Variants in SLC39A12 observed in about 807,000 individuals in gnomAD.
SLC39A12 encodes zinc transporter ZIP12.
In SLC39A12, 63 loss-of-function variants were observed where a neutral mutation model predicts 71.1. The observed-to-expected ratio is 0.89, with a 90% CI of 0.72 to 1.09. The LOEUF is 1.09. Ranked by LOEUF, SLC39A12 falls within the 50% of genes least tolerant of loss-of-function variation. SLC39A12 has a pLI of 0.00. For missense variants in SLC39A12, 892 were observed against 812.6 expected, an observed-to-expected ratio of 1.10 and a Z score of -1.19; for synonymous variants, 351 against 301.3, an observed-to-expected ratio of 1.16 and a Z score of -1.71.
intron 7 of SLC39A12, among the ~76,000 whole-genome samples, chr10:17,989,689 C>A (rs1195044165): frequency 6.6e-6 from 1 of 152,114 alleles, no homozygotes. Flanking sequence ...GAGGGCAAGA[C>A]AGGCGGATCA....
intron 12 of SLC39A12, among the ~76,000 whole-genome samples, chr10:18,038,921 G>A (rs1837141453): frequency 6.6e-6 from 1 of 152,130 alleles, no homozygotes; most frequent in Admixed American, 6.5e-5. Context: ...AGATATTGAT[G>A]ATTTGAAAAG....
intron 12 of SLC39A12, among the ~76,000 whole-genome samples, chr10:18,019,695 C>A: frequency 6.6e-6 from 1 of 151,954 alleles, no homozygotes; most frequent in Non-Finnish European, 1.5e-5. Flanking sequence ...TATTTAATCT[C>A]CAGTTCTTTT....
chr10:18,034,843 G>C (rs1409366182), intron 12 of SLC39A12, among the ~76,000 whole-genome samples: 4 of 149,010 alleles, frequency 2.7e-5, no homozygotes, highest in Non-Finnish European at 6.0e-5. Context: ...GGCAGGCCTG[G>C]TGGTGACAAA....
At chr10:17,993,719 C>T (rs1022710390) in intron 9 of SLC39A12, among the ~76,000 whole-genome samples, 3 of 152,212 alleles carry the variant, frequency 2.0e-5, no homozygotes, top group Non-Finnish European at 4.4e-5. Flanking sequence ...CAGGAGATAA[C>T]TGATTCTGTC....
At chr10:17,964,842 A>G (rs190818478) in intron 3 of SLC39A12, among the ~76,000 whole-genome samples, 31 of 152,328 alleles carry the variant, frequency 2.0e-4, no homozygotes, top group African/African-American at 6.0e-4. Flanking sequence ...GCGGGGAGAG[A>G]AACAACCCAC....
intron 11 of SLC39A12, among the ~76,000 whole-genome samples, chr10:18,001,497 G>C (rs1835832644): frequency 6.6e-6 from 1 of 152,186 alleles, no homozygotes; most frequent in Non-Finnish European, 1.5e-5. Context: ...CTGGGCAACA[G>C]AGTGAGACTC....
chr10:18,037,750 G>T (rs184998463), intron 12 of SLC39A12, among the ~76,000 whole-genome samples: 2 of 152,082 alleles, frequency 1.3e-5, no homozygotes, highest in African/African-American at 4.8e-5. Flanking sequence ...TAGGCCAGGT[G>T]CAGGGGCTCA....
intron 10 of SLC39A12, among the ~76,000 whole-genome samples, chr10:17,997,831 A>G (rs1031022224): frequency 1.3e-5 from 2 of 152,230 alleles, no homozygotes; most frequent in African/African-American, 4.8e-5. Flanking sequence ...TTAAAAAAGC[A>G]CAGTGATACC....
intron 6 of SLC39A12, among the ~76,000 whole-genome samples, chr10:17,983,246 T>A (rs1835313901): frequency 6.7e-6 from 1 of 149,300 alleles, no homozygotes. Context: ...GTCCTAGTAC[T>A]TTGGGAGGGC....
intron 4 of SLC39A12, among the ~76,000 whole-genome samples, chr10:17,972,684 G>A (rs1835005476): frequency 6.6e-6 from 1 of 152,012 alleles, no homozygotes; most frequent in Non-Finnish European, 1.5e-5. Flanking sequence ...CATTGGCATG[G>A]AGTATCTTTT....
At chr10:18,018,330 A>C (rs925362884) in intron 12 of SLC39A12, among the ~76,000 whole-genome samples, 11 of 152,146 alleles carry the variant, frequency 7.2e-5, no homozygotes, top group Admixed American at 2.6e-4. Flanking sequence ...CCGTGAACAA[A>C]GGCGGTCTTA....
At chr10:18,031,255 G>T (rs1415489365) in intron 12 of SLC39A12, among the ~76,000 whole-genome samples, 1 of 143,970 alleles carries the variant, frequency 6.9e-6, no homozygotes, top group Non-Finnish European at 1.5e-5. Flanking sequence ...CTAGTTTACA[G>T]TCCCACCAAC....
intron 6 of SLC39A12, 115 bp from the exon 7 acceptor site, chr10:17,987,364 A>G: frequency 1.1e-6 from 1 of 871,140 alleles, no homozygotes; most frequent in Non-Finnish European, 1.8e-6. Flanking sequence ...TATTTAAAAA[A>G]TCCATATCCC....
intron 12 of SLC39A12, among the ~76,000 whole-genome samples, chr10:18,032,638 T>C (rs1299651691): frequency 6.6e-6 from 1 of 150,562 alleles, no homozygotes; most frequent in African/African-American, 2.4e-5. Context: ...GAATACCCTT[T>C]ATTTCCTTCT....
At position 17,993,288 on chromosome 10, in the gene SLC39A12, G is replaced by A. The variant is rs1835601925; in HGVS notation, c.1530G>A (p.Gln510=). The part of the protein sequence containing the change: ...AGRGKSASTI[Q]LKSPEDSQAA... Reference sequence around the variant, plus strand: ...GAGGCAAATCTGCTTCAACTATCCAGTTGGTAGGTTCCTGATCTGAAGCAT... The same window carrying A: ...GAGGCAAATCTGCTTCAACTATCCAATTGGTAGGTTCCTGATCTGAAGCAT... Residue 510 remains glutamine, a synonymous_variant, in exon 9 of 13, where the codon CAG becomes CAA. Coordinates refer to ENST00000377369, the MANE Select transcript of SLC39A12 (RefSeq NM_001145195.2). 1 of 1,545,840 alleles carries A rather than the reference G, an allele frequency of 6.5e-7. No individual in the cohort carries two copies. Among genetic ancestry groups the A allele is most frequent in the Non-Finnish European group, 8.8e-7 (1 of 1,141,530 alleles).
intron 12 of SLC39A12, among the ~76,000 whole-genome samples, chr10:18,022,371 A>G (rs1174268869): frequency 6.6e-6 from 1 of 151,758 alleles, no homozygotes; most frequent in East Asian, 1.9e-4. Context: ...GTTAATTTGA[A>G]GAACCACTCT....
chr10:17,961,820 C>G lies in SLC39A12; in HGVS notation c.501C>G (p.Ile167Met). The G allele has an allele frequency of 1.2e-6, 2 of 1,614,030 alleles. No homozygotes were observed. The highest frequency in any genetic ancestry group is 1.7e-6 in the Non-Finnish European group (2 of 1,179,970). Reference sequence around the variant, plus strand: ...TTTCACAGAATGAGACAGAAGATATCTTGGCTTTCACCAGGCAGTACTTTG... The same window carrying G: ...TTTCACAGAATGAGACAGAAGATATGTTGGCTTTCACCAGGCAGTACTTTG... The part of the protein sequence containing the change: ...SFLSQNETED[I>M]LAFTRQYFDT... The change falls in exon 3 of 13, where the codon ATC (isoleucine) becomes ATG (methionine). Residue 167 changes from isoleucine (I) to methionine (M), a missense_variant. By Grantham distance (10) the Ile-to-Met change is conservative (BLOSUM62 1). Transcript: ENST00000377369.
Position 18,000,666 on chromosome 10 carries a change from G to T in SLC39A12, c.1601-1G>T. ...TCTTCTGTGTTTATTTGGTTCCTTA[G>T]GTAAAGCCATTAGCTTGTTAGCAAT... On this transcript the variant is annotated splice_acceptor_variant, in intron 10 of 12. Coordinates refer to ENST00000377369, the MANE Select transcript of SLC39A12 (RefSeq NM_001145195.2). LOFTEE classifies it high-confidence loss of function. 6.2e-7 allele frequency: 1 copy of T among 1,614,080 alleles called. No individual in the cohort carries two copies.
chr10:18,036,901 C>G (rs1265315622), intron 12 of SLC39A12, among the ~76,000 whole-genome samples: 1 of 150,776 alleles, frequency 6.6e-6, no homozygotes, highest in Non-Finnish European at 1.5e-5. Flanking sequence ...ATTCTCTTGC[C>G]TCAGCCTTTC....
Sources: allele counts gnomAD v4.1 joint callset (sites outside exome capture counted in the v4.1 genomes callset), GRCh38; gene constraint gnomAD v4.1.1; transcripts MANE v1.5; gene names NCBI Gene and HGNC (gene_info 2026-07-23, HGNC 2026-07-21).